CACNA1A: variants seen among roughly 807,000 people sequenced by gnomAD.
CACNA1A encodes calcium voltage-gated channel subunit alpha1 A.
CACNA1A carries 57 observed loss-of-function variants against 262.4 expected under a neutral mutation model. That is an observed-to-expected ratio of 0.22 (90% CI 0.18 to 0.27). CACNA1A has a LOEUF of 0.27. Ranked by LOEUF, CACNA1A falls within the 10% of genes least tolerant of loss-of-function variation. The pLI, the probability that CACNA1A is intolerant of heterozygous loss-of-function variation, is 1.00. For synonymous variants in CACNA1A, 1,431 were observed against 1,419.3 expected, an observed-to-expected ratio of 1.01 and a Z score of -0.18; for missense variants, 2,526 against 3,562.8, an observed-to-expected ratio of 0.71 and a Z score of 7.41.
intron 4 of CACNA1A, chr19:13,366,002 T>A (rs1314686073): frequency 6.6e-6 from 1 of 151,236 alleles, no homozygotes; most frequent in African/African-American, 2.4e-5. Context: ...TTATTTATTT[T>A]TTTTGAGACA....
At chr19:13,370,771 G>C (rs905242695) in intron 4 of CACNA1A, 1 of 150,340 alleles carries the variant, frequency 6.7e-6, no homozygotes, top group Non-Finnish European at 1.5e-5. Context: ...AGATATTGGC[G>C]GGGGGGTGGG....
intron 19 of CACNA1A, among the ~76,000 whole-genome samples, chr19:13,290,802 G>T (rs950676953): frequency 6.6e-6 from 1 of 151,998 alleles, no homozygotes; most frequent in African/African-American, 2.4e-5. Context: ...CATAAAGCAG[G>T]CCCAGTTAAG....
chr19:13,486,842 T>G (rs1313015665), intron 1 of CACNA1A, among the ~76,000 whole-genome samples: 1 of 151,762 alleles, frequency 6.6e-6, no homozygotes, highest in Non-Finnish European at 1.5e-5. Flanking sequence ...CACCTTCCAC[T>G]TTTCTTTCTC....
chr19:13,311,977 C>T (rs2058044817), intron 12 of CACNA1A, among the ~76,000 whole-genome samples: 2 of 152,360 alleles, frequency 1.3e-5, no homozygotes, highest in South Asian at 4.1e-4. Context: ...CTTAATTTCA[C>T]TTCCAGCTGC....
intron 22 of CACNA1A, among the ~76,000 whole-genome samples, chr19:13,281,725 A>G (rs1201082618): frequency 6.6e-6 from 1 of 151,966 alleles, no homozygotes. Flanking sequence ...TTTTTGTTCT[A>G]TTTCTTGCCC....
intron 3 of CACNA1A, 75 bp downstream of exon 3, chr19:13,452,801 C>T: frequency 6.9e-7 from 1 of 1,451,176 alleles, no homozygotes; most frequent in Non-Finnish European, 9.5e-7. Flanking sequence ...CTGAGCCTGG[C>T]CCGGACCACA....
intron 6 of CACNA1A, among the ~76,000 whole-genome samples, chr19:13,348,112 T>TG (rs1385375634): frequency 1.3e-5 from 2 of 151,994 alleles, no homozygotes; most frequent in East Asian, 3.9e-4. Context: ...TTTTTAAAGA[T>TG]GGGGTCTTGC....
At chr19:13,352,457 AAAG>A (rs2058930452) in intron 6 of CACNA1A, among the ~76,000 whole-genome samples, 1 of 151,986 alleles carries the variant, frequency 6.6e-6, no homozygotes, top group Non-Finnish European at 1.5e-5. Flanking sequence ...TTGAAGATAC[AAAG>A]AAGTATTGAG....
rs1164985789 is a variant in CACNA1A, at chr19:13,212,604, C to T, written c.6050+27G>A. 3.3e-6 allele frequency: 5 copies of T among 1,508,960 alleles called. No homozygotes were observed. Among genetic ancestry groups the T allele is most frequent in the Non-Finnish European group, 4.5e-6 (5 of 1,121,740 alleles). 93.5% of individuals were successfully genotyped at this position (1,508,960 alleles called of 1,614,324 possible). On this transcript the variant is annotated intron_variant, in intron 41 of 46. Transcript: ENST00000360228. The surrounding 1 kb of genome is among the most constrained non-coding windows in gnomAD (Gnocchi z 5.6). ...TGGGGACCACGGCACCCCCACACTCCACCTCCCTGGCAGGGGTGACACTCA... is the reference window on the plus strand; with the variant it reads ...TGGGGACCACGGCACCCCCACACTCTACCTCCCTGGCAGGGGTGACACTCA...
intron 2 of CACNA1A, among the ~76,000 whole-genome samples, chr19:13,453,247 A>AC (rs1436681015): frequency 6.6e-6 from 1 of 152,192 alleles, no homozygotes; most frequent in Non-Finnish European, 1.5e-5. Context: ...GGCCAACCTC[A>AC]CATATCACTC....
At position 13,207,200 on chromosome 19, in the gene CACNA1A, T is replaced by G. The variant is rs2054598658; in HGVS notation, c.*113A>C. ...TCTCCAGAGTCTGGGGTCTCCCGGCTGGCCCTCTCCCGGGCCCTCTGTGCT... is the reference window on the plus strand; with the variant it reads ...TCTCCAGAGTCTGGGGTCTCCCGGCGGGCCCTCTCCCGGGCCCTCTGTGCT... On this transcript the variant is annotated 3_prime_UTR_variant, in exon 47 of 47. Transcript: ENST00000360228. The surrounding 1 kb of genome is among the most constrained non-coding windows in gnomAD (Gnocchi z 5.7). 2.6e-6 allele frequency: 3 copies of G among 1,165,288 alleles called. No individual in the cohort carries two copies. The highest frequency in any genetic ancestry group is 3.4e-6 in the Non-Finnish European group (3 of 880,800). The allele number at this position is 1,165,288 out of a possible 1,614,324, so 72.2% of individuals were successfully genotyped here.
chr19:13,391,232 T>C (rs1451866123), intron 3 of CACNA1A, among the ~76,000 whole-genome samples: 2 of 152,172 alleles, frequency 1.3e-5, no homozygotes, highest in Non-Finnish European at 2.9e-5. Context: ...CATGTAATCA[T>C]GTCTTTTTTT....
At chr19:13,494,343 A>T (rs960646226) in intron 1 of CACNA1A, among the ~76,000 whole-genome samples, 1 of 152,338 alleles carries the variant, frequency 6.6e-6, no homozygotes, top group Middle Eastern at 3.4e-3. Flanking sequence ...TGGAGGAGGT[A>T]ACTTTTGGGC....
intron 3 of CACNA1A, among the ~76,000 whole-genome samples, chr19:13,405,065 T>G (rs1183508744): frequency 6.6e-6 from 1 of 151,748 alleles, no homozygotes; most frequent in Non-Finnish European, 1.5e-5. Flanking sequence ...ACCCGGCTAA[T>G]TTTTGTGTTT....
intron 19 of CACNA1A, among the ~76,000 whole-genome samples, chr19:13,287,544 T>C (rs2057431732): frequency 1.3e-5 from 2 of 152,046 alleles, no homozygotes; most frequent in Non-Finnish European, 2.9e-5. Flanking sequence ...TCTTTTTTCT[T>C]GCTCTGTCGT....
rs376458754 is a variant in CACNA1A, at chr19:13,465,761, T to C, written c.294-10549A>G. Among the ~76,000 whole-genome samples the C allele has an allele frequency of 4.3e-4, 65 of 152,266 alleles. 3 individuals are homozygous for C. The South Asian group carries it at 0.013, about 31-fold the overall frequency. On this transcript the variant is annotated intron_variant, in intron 1 of 46. Coordinates refer to ENST00000360228, the MANE Select transcript of CACNA1A (RefSeq NM_001127222.2). Reference sequence around the variant, plus strand: ...ACCTCAGCCTCCCAAAGTTCTGGGATTACAGGTGTAAGCCACTGTGTCCAG... The same window carrying C: ...ACCTCAGCCTCCCAAAGTTCTGGGACTACAGGTGTAAGCCACTGTGTCCAG...
chr19:13,466,322 T>TC (rs1261737536), intron 1 of CACNA1A, among the ~76,000 whole-genome samples: 17 of 149,068 alleles, frequency 1.1e-4, no homozygotes, highest in African/African-American at 4.3e-4. Flanking sequence ...TTTTTTTTTT[T>TC]CCTTTTCTTT....
rs765754545 is a variant in CACNA1A, at chr19:13,207,312, C to T, written c.*1G>A. The T allele has an allele frequency of 6.4e-6, 10 of 1,555,710 alleles. No individual in the cohort carries two copies. The South Asian group carries it at 9.2e-5, about 14-fold the overall frequency. On this transcript the variant is annotated 3_prime_UTR_variant, in exon 47 of 47. Coordinates refer to ENST00000360228, the MANE Select transcript of CACNA1A (RefSeq NM_001127222.2). The surrounding 1 kb of genome is among the most constrained non-coding windows in gnomAD (Gnocchi z 5.7). ...CCGGGCGGGCGCCACCTCGCCCGGG[C>T]TTAGCACCAATCATCGTCACTCTCG...
intron 31 of CACNA1A, chr19:13,243,556 T>TCTTC (rs2056138390): frequency 6.6e-6 from 1 of 151,288 alleles, no homozygotes; most frequent in Non-Finnish European, 1.5e-5. Flanking sequence ...CAGTTTTCTT[T>TCTTC]CTTTCTTTTT....
Sources: gnomAD v4.1 joint callset for allele counts (sites outside exome capture counted in the v4.1 genomes callset) on GRCh38, gnomAD v4.1.1 for gene constraint, Gnocchi (gnomAD v3.1) non-coding constraint, MANE v1.5 for transcripts, NCBI Gene and HGNC (gene_info 2026-07-23, HGNC 2026-07-21) for gene names.